Variants in PDE3A observed in about 807,000 individuals in gnomAD.
The protein encoded by PDE3A is phosphodiesterase 3A.
In PDE3A, 43 loss-of-function variants were observed where a neutral mutation model predicts 98.3. The ratio of observed to expected loss-of-function variants is 0.44; its 90% CI spans 0.34 to 0.56. The LOEUF (loss-of-function observed/expected upper bound fraction) is 0.56. Among genes scored for constraint, PDE3A ranks in the 20% least tolerant of loss-of-function variants. PDE3A has a pLI of 0.01. For synonymous variants in PDE3A, 663 were observed against 567.9 expected, an observed-to-expected ratio of 1.17 and a Z score of -2.38; for missense variants, 1,427 against 1,440.7, an observed-to-expected ratio of 0.99 and a Z score of 0.15.
At chr12:20,654,497 G>GTTGGTTT (rs1555107041) in intron 15 of PDE3A, among the ~76,000 whole-genome samples, 2 of 150,010 alleles carry the variant, frequency 1.3e-5, no homozygotes, top group Non-Finnish European at 3.0e-5. Flanking sequence ...CTGGTTTTTT[G>GTTGGTTT]TTTGTTTTTT....
intron 1 of PDE3A, among the ~76,000 whole-genome samples, chr12:20,395,506 A>G: frequency 6.8e-6 from 1 of 146,824 alleles, no homozygotes; most frequent in South Asian, 2.1e-4. Flanking sequence ...TACATAGTAT[A>G]ATATGTATAC....
intron 2 of PDE3A, among the ~76,000 whole-genome samples, chr12:20,588,234 A>G (rs1490585196): frequency 6.6e-6 from 1 of 152,174 alleles, no homozygotes; most frequent in Non-Finnish European, 1.5e-5. Context: ...CAGCTGTCAC[A>G]TGGGGTTTCA....
chr12:20,412,033 T>C (rs999416991), intron 1 of PDE3A, among the ~76,000 whole-genome samples: 15 of 152,166 alleles, frequency 9.9e-5, no homozygotes, highest in African/African-American at 3.6e-4. Flanking sequence ...TATCCAAATA[T>C]GTGTTCTGTG....
At chr12:20,626,383 GA>G (rs11402218) in intron 5 of PDE3A, among the ~76,000 whole-genome samples, 30 of 147,868 alleles carry the variant, frequency 2.0e-4, no homozygotes, top group African/African-American at 6.2e-4. Context: ...TTTGGCTTTG[GA>G]AAAAAAAAAA....
At chr12:20,631,431 A>T (rs768841355) in intron 6 of PDE3A, among the ~76,000 whole-genome samples, 2 of 152,212 alleles carry the variant, frequency 1.3e-5, no homozygotes, top group Non-Finnish European at 2.9e-5. Flanking sequence ...ATTCGACCAC[A>T]GAACCAATTT....
In PDE3A at chr12:20,680,494, A is replaced by G. The variant is rs1945750509; in HGVS notation, c.*223A>G. The G allele has an allele frequency of 1.9e-6, 1 of 523,248 alleles. No homozygotes were observed. Among genetic ancestry groups the G allele is most frequent in the African/African-American group, 1.9e-5 (1 of 52,528 alleles). The allele number at this position is 523,248 out of a possible 1,614,324, so 32.4% of individuals were successfully genotyped here. A position where few individuals can be genotyped will look rare whatever the true frequency, so the allele number is the denominator to read the frequency against. ...CACATTGCAACACCAGCTTCTAAGG[A>G]TTTTTTAAGGAGGGAATATATATGT... On this transcript the variant is annotated 3_prime_UTR_variant, in exon 16 of 16. Coordinates refer to ENST00000359062, the MANE Select transcript of PDE3A (RefSeq NM_000921.5).
chr12:20,559,313 T>A (rs1942452622), intron 2 of PDE3A, among the ~76,000 whole-genome samples: 1 of 151,996 alleles, frequency 6.6e-6, no homozygotes, highest in Non-Finnish European at 1.5e-5. Flanking sequence ...TTTGTGTAAG[T>A]ATACTCTATG....
At chr12:20,667,642 C>G (rs1376588157) in intron 15 of PDE3A, among the ~76,000 whole-genome samples, 1 of 152,126 alleles carries the variant, frequency 6.6e-6, no homozygotes, top group African/African-American at 2.4e-5. Flanking sequence ...CATTTATATA[C>G]TAACACCATG....
chr12:20,373,377 A>G (rs887594978), intron 1 of PDE3A, among the ~76,000 whole-genome samples: 4 of 152,058 alleles, frequency 2.6e-5, no homozygotes, highest in African/African-American at 9.7e-5. Flanking sequence ...GAAACATGGG[A>G]ATATACAGAG....
intron 1 of PDE3A, among the ~76,000 whole-genome samples, chr12:20,455,833 A>G (rs757295095): frequency 5.3e-5 from 8 of 152,152 alleles, no homozygotes; most frequent in Non-Finnish European, 1.0e-4. Flanking sequence ...AGAATAATCC[A>G]TTCAGATAAC....
rs559833056 is a variant in PDE3A, at chr12:20,369,357, G to A, written c.73G>A (p.Ala25Thr). The change falls in exon 1 of 16, where the codon GCG (alanine) becomes ACG (threonine). Residue 25 changes from alanine (A) to threonine (T), a missense_variant. Ala to Thr is a moderately conservative substitution (Grantham distance 58). Transcript: ENST00000359062. ...CAGTGGGGTGAGTCAAGCCCCCACG[G>A]CGGGCCGGGACTGCCACCATCGTGC... ...VHSGVSQAPT[A>T]GRDCHHRADP... The A allele has an allele frequency of 2.6e-5, 40 of 1,548,730 alleles. No individual in the cohort carries two copies. The Middle Eastern group carries it at 7.2e-4, about 28-fold the overall frequency.
intron 1 of PDE3A, among the ~76,000 whole-genome samples, chr12:20,498,790 TAA>T (rs1945971356): frequency 1.3e-5 from 2 of 152,204 alleles, no homozygotes; most frequent in South Asian, 4.1e-4. Context: ...TTTTCACAGA[TAA>T]AGAGTATAAT....
At chr12:20,568,773 T>A (rs1463587337) in intron 2 of PDE3A, among the ~76,000 whole-genome samples, 5 of 152,022 alleles carry the variant, frequency 3.3e-5, no homozygotes, top group Non-Finnish European at 7.4e-5. Flanking sequence ...TTCCCATTAA[T>A]AGATATATAC....
intron 1 of PDE3A, among the ~76,000 whole-genome samples, chr12:20,455,625 G>C (rs1046671132): frequency 2.6e-5 from 4 of 152,158 alleles, no homozygotes; most frequent in Admixed American, 2.6e-4. Flanking sequence ...TACTAGGAAA[G>C]GGTAGGCTGC....
intron 2 of PDE3A, among the ~76,000 whole-genome samples, chr12:20,593,010 G>A (rs1174040303): frequency 6.6e-6 from 1 of 152,134 alleles, no homozygotes; most frequent in Non-Finnish European, 1.5e-5. Flanking sequence ...GTTCTCAAAT[G>A]CATAATCTGG....
At chr12:20,616,902 AT>A (rs915669777) in intron 4 of PDE3A, among the ~76,000 whole-genome samples, 1 of 152,206 alleles carries the variant, frequency 6.6e-6, no homozygotes, top group Non-Finnish European at 1.5e-5. Flanking sequence ...ATTAATTCCA[AT>A]TTTTGAAAGC....
chr12:20,478,361 C>T (rs943829235), intron 1 of PDE3A, among the ~76,000 whole-genome samples: 4 of 152,092 alleles, frequency 2.6e-5, no homozygotes, highest in African/African-American at 9.7e-5. Flanking sequence ...CCTAGGCAGC[C>T]ATTTACATTT....
chr12:20,409,712 A>G (rs755661971), intron 1 of PDE3A, among the ~76,000 whole-genome samples: 1 of 152,202 alleles, frequency 6.6e-6, no homozygotes, highest in South Asian at 2.1e-4. Flanking sequence ...ACTGAAATAC[A>G]TTATATGAAA....
chr12:20,444,800 G>C (rs989584364), intron 1 of PDE3A, among the ~76,000 whole-genome samples: 13 of 152,142 alleles, frequency 8.5e-5, no homozygotes, highest in African/African-American at 2.9e-4. Context: ...GAAGGGAAAG[G>C]GTGAGGAATC....
Sources: allele counts gnomAD v4.1 joint callset (sites outside exome capture counted in the v4.1 genomes callset), GRCh38; gene constraint gnomAD v4.1.1; transcripts MANE v1.5; gene names NCBI Gene and HGNC (gene_info 2026-07-23, HGNC 2026-07-21).